SAP30L: variants seen among roughly 807,000 people sequenced by gnomAD.
The protein encoded by SAP30L is histone deacetylase complex subunit SAP30L.
A neutral mutation model predicts 22.3 loss-of-function variants in SAP30L; 10 were observed. The ratio of observed to expected loss-of-function variants is 0.45; its 90% CI spans 0.28 to 0.76. The LOEUF is 0.76. Ranked by LOEUF, SAP30L falls within the 30% of genes least tolerant of loss-of-function variation. The probability of loss-of-function intolerance (pLI) is 0.14; values close to 1 mark genes in which losing one functional copy is unlikely to be tolerated. For missense variants in SAP30L, 206 were observed against 237.9 expected (o/e 0.87, Z 0.88); for synonymous variants, 91 against 94.1 (o/e 0.97, Z 0.19).
At chr5:154,450,433 G>T (rs1435085064) in intron 1 of SAP30L, among the ~76,000 whole-genome samples, 1 of 152,164 alleles carries the variant, frequency 6.6e-6, no homozygotes, top group African/African-American at 2.4e-5. Context: ...TAAAAATAGA[G>T]TGTCCCAAAT....
At position 154,451,143 on chromosome 5, in the gene SAP30L, G is replaced by A. The variant is rs1757131138; in HGVS notation, c.254G>A (p.Arg85Gln). Residue 85 changes from arginine (R) to glutamine (Q), a missense_variant, in exon 2 of 4, where the codon CGA becomes CAA. This residue lies in a region of SAP30L where 136 missense variants were observed against 187.4 expected (regional missense o/e 0.73). Transcript: ENST00000297109. ...DFHKNFIQSV[R>Q]NKRKRKTSDD... ...CACAAAAATTTCATCCAGAGTGTCC[G>A]AAATAAAAGGAAGAGGAAGACAAGT... The A allele has an allele frequency of 2.5e-6, 4 of 1,614,078 alleles. No homozygotes were observed. The highest frequency in any genetic ancestry group is 1.1e-5 in the South Asian group (1 of 91,084).
chr5:154,454,169 C>T (rs1216674667), intron 3 of SAP30L, among the ~76,000 whole-genome samples: 1 of 152,206 alleles, frequency 6.6e-6, no homozygotes, highest in East Asian at 1.9e-4. Flanking sequence ...TTAATCATTT[C>T]AAAACCTTGA....
Position 154,456,024 on chromosome 5 carries a change from A to G in SAP30L, c.548A>G (p.Glu183Gly), listed in dbSNP as rs758107991. ...AAATCGGAGGGTGGCAAGCAGCTTG[A>G]GTGAGGATGAAGCACATCTTAAAGG... is the stretch of plus-strand genomic sequence containing the variant. Reference protein sequence around the residue: ...DQKSEGGKQLE With the variant: ...DQKSEGGKQLG Residue 183 changes from glutamate to glycine, a missense_variant, in exon 4 of 4, where the codon GAG becomes GGG. By Grantham distance (98) the Glu-to-Gly change is moderately conservative. Coordinates refer to ENST00000297109, the MANE Select transcript of SAP30L (RefSeq NM_024632.6). The G allele has an allele frequency of 1.9e-6, 3 of 1,613,680 alleles. No individual in the cohort carries two copies. In the East Asian group the frequency reaches 6.7e-5, roughly 36 times the overall value.
chr5:154,453,357 T>C lies in SAP30L; in HGVS notation c.325-45T>C, dbSNP rs944949365. The C allele has an allele frequency of 6.4e-6, 9 of 1,405,044 alleles. No individual in the cohort carries two copies. In the Admixed American group the frequency reaches 8.4e-5, roughly 13 times the overall value. The allele number at this position is 1,405,044 out of a possible 1,614,324, so 87.0% of individuals were successfully genotyped here. ...CACATAGTGGGCTCTTGGTGAGTCC[T>C]GGGTGGTCAGGTGATGGATAACATT... On this transcript the variant is annotated intron_variant, in intron 2 of 3. Transcript: ENST00000297109.
At position 154,446,794 on chromosome 5, in the gene SAP30L, A is replaced by T; in HGVS notation, c.190A>T (p.Ile64Phe). The T allele has an allele frequency of 6.2e-7, 1 of 1,603,982 alleles. No homozygotes were observed. The highest frequency in any genetic ancestry group is 8.5e-7 in the Non-Finnish European group (1 of 1,176,760). Reference sequence around the variant, plus strand: ...CTCGCAGAAGAAACTCAAGCTGGACATCGACAAGAGCGTGAGTCCGCCCCC... The same window carrying T: ...CTCGCAGAAGAAACTCAAGCTGGACTTCGACAAGAGCGTGAGTCCGCCCCC... ...SISQKKLKLD[I>F]DKSVRHLYIC... The change falls in exon 1 of 4, where the codon ATC becomes TTC. Residue 64 changes from isoleucine (I) to phenylalanine (F), a missense_variant. By Grantham distance (21) the Ile-to-Phe change is conservative. Coordinates refer to ENST00000297109, the MANE Select transcript of SAP30L (RefSeq NM_024632.6).
chr5:154,453,225 A>G, intron 2 of SAP30L, 177 bp from the exon 3 acceptor site: 1 of 533,544 alleles, frequency 1.9e-6, no homozygotes, highest in Non-Finnish European at 3.3e-6. Context: ...CTGTTTTTCT[A>G]CTGTTATTTT....
Position 154,452,314 on chromosome 5 carries a change from A to G in SAP30L, c.325-1088A>G, listed in dbSNP as rs914529299. 7.5e-5 allele frequency: 15 copies of G among 200,330 alleles called. No individual in the cohort carries two copies. In the East Asian group the frequency reaches 2.9e-3, roughly 38 times the overall value. 12.4% of individuals were successfully genotyped at this position (200,330 alleles called of 1,614,324 possible). ...GAATCTTGCTTTTGCCTTTAACGTT[A>G]TTGTTATTTTACAAAGAAATGGACG... is the stretch of plus-strand genomic sequence containing the variant. On this transcript the variant is annotated intron_variant, in intron 2 of 3. Coordinates refer to ENST00000297109, the MANE Select transcript of SAP30L (RefSeq NM_024632.6).
chr5:154,448,654 C>A (rs1757076109), intron 1 of SAP30L, among the ~76,000 whole-genome samples: 1 of 152,226 alleles, frequency 6.6e-6, no homozygotes. Flanking sequence ...GCCTTCCCAT[C>A]TGAATGATTT....
chr5:154,447,969 C>CTTTTT (rs140213326), intron 1 of SAP30L, among the ~76,000 whole-genome samples: 1,692 of 88,262 alleles, frequency 0.019, no homozygotes, highest in African/African-American at 0.026. Context: ...TTTTCTTTTT[C>CTTTTT]TTTTTTTTTT....
intron 2 of SAP30L, chr5:154,452,573 A>G: frequency 2.8e-6 from 2 of 726,022 alleles, no homozygotes; most frequent in Admixed American, 6.3e-5. Context: ...TTTGTTAGAA[A>G]CAAAAAGGGG....
chr5:154,448,752 G>A (rs1418447876), intron 1 of SAP30L, among the ~76,000 whole-genome samples: 1 of 152,184 alleles, frequency 6.6e-6, no homozygotes, highest in Admixed American at 6.5e-5. Flanking sequence ...CACACACACT[G>A]TCTAGAAGAA....
chr5:154,450,100 T>A (rs1374553922), intron 1 of SAP30L, among the ~76,000 whole-genome samples: 3 of 152,262 alleles, frequency 2.0e-5, no homozygotes. Flanking sequence ...GTGCAACAGC[T>A]GTTTCAGTAT....
chr5:154,452,646 C>A, intron 2 of SAP30L: 1 of 197,072 alleles, frequency 5.1e-6, no homozygotes, highest in Non-Finnish European at 9.2e-6. Context: ...TGCTGGATTG[C>A]ACATTCACTA....
chr5:154,451,358 A>C, intron 2 of SAP30L, 145 bp downstream of exon 2: 1 of 882,852 alleles, frequency 1.1e-6, no homozygotes, highest in Non-Finnish European at 1.7e-6. Flanking sequence ...GAATTATAGT[A>C]ATATGGAATC....
intron 2 of SAP30L, among the ~76,000 whole-genome samples, chr5:154,451,934 T>A (rs1757149802): frequency 6.6e-6 from 1 of 152,176 alleles, no homozygotes; most frequent in Non-Finnish European, 1.5e-5. Context: ...TCGTCCTGTG[T>A]TGAGAACCAC....
chr5:154,458,032 T>C lies in SAP30L; in HGVS notation c.*2004T>C, dbSNP rs1051372802. The C allele has an allele frequency of 5.9e-5, 9 of 152,320 alleles. No individual in the cohort carries two copies. In the East Asian group the frequency reaches 1.7e-3, roughly 29 times the overall value. The allele number at this position is 152,320 out of a possible 1,614,324, so 9.4% of individuals were successfully genotyped here. On this transcript the variant is annotated 3_prime_UTR_variant, in exon 4 of 4. Coordinates refer to ENST00000297109, the MANE Select transcript of SAP30L (RefSeq NM_024632.6). ...TGTGGGCGTGTAGGTCACATCACTA[T>C]TTCTTTAGCAGCAAATCTGTTTTCC...
chr5:154,456,458 A>T lies in SAP30L; in HGVS notation c.*430A>T, dbSNP rs901254626. 5 of 163,142 alleles carry T rather than the reference A, an allele frequency of 3.1e-5. No homozygotes were observed. The highest frequency in any genetic ancestry group is 5.9e-5 in the Admixed American group (1 of 17,092). The allele number at this position is 163,142 out of a possible 1,614,324, so 10.1% of individuals were successfully genotyped here. On this transcript the variant is annotated 3_prime_UTR_variant, in exon 4 of 4. Transcript: ENST00000297109. Reference sequence around the variant, plus strand: ...TGGACTTGCATGCTGCCCGCTGGCGACATAGATATCCCGCCCGCTTTGTTG... The same window carrying T: ...TGGACTTGCATGCTGCCCGCTGGCGTCATAGATATCCCGCCCGCTTTGTTG...
intron 2 of SAP30L, among the ~76,000 whole-genome samples, chr5:154,451,593 T>C (rs1450738421): frequency 2.0e-5 from 3 of 152,180 alleles, no homozygotes; most frequent in Admixed American, 6.5e-5. Context: ...TATAATGGTT[T>C]GGGAGAAGTC....
chr5:154,449,662 A>AAGCATGTCCAGTAGTATAT (rs1319873357), intron 1 of SAP30L, among the ~76,000 whole-genome samples: 1 of 152,186 alleles, frequency 6.6e-6, no homozygotes, highest in Non-Finnish European at 1.5e-5. Flanking sequence ...TCCTGGAGAA[A>AAGCATGTCCAGTAGTATAT]AGCATGTCCA....
Sources: gnomAD v4.1 joint callset for allele counts (sites outside exome capture counted in the v4.1 genomes callset) on GRCh38, gnomAD v4.1.1 for gene constraint, gnomAD v4.1.1 regional missense constraint, MANE v1.5 for transcripts, NCBI Gene and HGNC (gene_info 2026-07-23, HGNC 2026-07-21) for gene names.